TBC1D19: variants seen among roughly 807,000 people sequenced by gnomAD.
TBC1D19 encodes the protein TBC1 domain family, member 19.
Under a neutral mutation model 89.0 loss-of-function variants are expected in TBC1D19, and 60 were observed. The ratio of observed to expected loss-of-function variants is 0.67; its 90% CI spans 0.55 to 0.84. The LOEUF (loss-of-function observed/expected upper bound fraction) is 0.84, where lower values mean the gene tolerates loss of function less well. Ranked by LOEUF, TBC1D19 falls within the 40% of genes least tolerant of loss-of-function variation. The pLI, the probability that TBC1D19 is intolerant of heterozygous loss-of-function variation, is 0.00. For synonymous variants in TBC1D19, 189 were observed against 199.7 expected, an observed-to-expected ratio of 0.95 and a Z score of 0.45; for missense variants, 500 against 610.8, an observed-to-expected ratio of 0.82 and a Z score of 1.91.
chr4:26,723,983 G>A (rs1368712355), intron 15 of TBC1D19, among the ~76,000 whole-genome samples: 1 of 152,212 alleles, frequency 6.6e-6, no homozygotes, highest in Non-Finnish European at 1.5e-5. Flanking sequence ...AGCCATTTTA[G>A]ATCAAGTAGT....
chr4:26,845,190 T>A, the TBC1D19 span, among the ~76,000 whole-genome samples: 1 of 152,194 alleles, frequency 6.6e-6, no homozygotes, highest in Non-Finnish European at 1.5e-5. Flanking sequence ...TTAGTGGGAA[T>A]GTGCCATCAT....
the TBC1D19 span, among the ~76,000 whole-genome samples, chr4:26,805,059 C>G: frequency 6.6e-6 from 1 of 152,176 alleles, no homozygotes; most frequent in Non-Finnish European, 1.5e-5. Context: ...CTCCTCTTCC[C>G]ACGGATGCTG....
At chr4:26,736,377 C>T (rs1279135733) in intron 16 of TBC1D19, among the ~76,000 whole-genome samples, 1 of 143,012 alleles carries the variant, frequency 7.0e-6, no homozygotes, top group Non-Finnish European at 1.5e-5. Context: ...GGGAACATCA[C>T]ACTCTGGGGA....
intron 3 of TBC1D19, among the ~76,000 whole-genome samples, chr4:26,616,646 A>T (rs181453237): frequency 6.6e-6 from 1 of 152,228 alleles, no homozygotes; most frequent in Admixed American, 6.5e-5. Flanking sequence ...TATACAGACT[A>T]TACAGACTGA....
chr4:26,580,243 G>T (rs1266604847), upstream of TBC1D19, among the ~76,000 whole-genome samples: 1 of 152,160 alleles, frequency 6.6e-6, no homozygotes, highest in Non-Finnish European at 1.5e-5. Context: ...CCATTGTAAT[G>T]AGAGGTGGCA....
the TBC1D19 span, among the ~76,000 whole-genome samples, chr4:26,774,320 A>G: frequency 6.6e-6 from 1 of 152,260 alleles, no homozygotes; most frequent in Non-Finnish European, 1.5e-5. Flanking sequence ...CTGGCAGATC[A>G]GCACTCTCTT....
chr4:26,593,665 A>G (rs141215630), intron 1 of TBC1D19, among the ~76,000 whole-genome samples: 3,659 of 152,324 alleles, frequency 0.024, 130 homozygotes, highest in African/African-American at 0.082. Context: ...CAACCCCATC[A>G]ACAAGTGGGC....
At chr4:26,693,960 C>T (rs569242695) in intron 13 of TBC1D19, among the ~76,000 whole-genome samples, 1 of 152,190 alleles carries the variant, frequency 6.6e-6, no homozygotes, top group African/African-American at 2.4e-5. Context: ...GTCTACAGCT[C>T]CCAGAGTGAG....
At chr4:26,581,376 GC>G (rs1451149742), upstream of TBC1D19, among the ~76,000 whole-genome samples, 4 of 151,978 alleles carry the variant, frequency 2.6e-5, no homozygotes, top group Non-Finnish European at 5.9e-5. Flanking sequence ...CCCTTCCCTT[GC>G]CCCCCATCCC....
At chr4:26,594,799 G>T (rs918849969) in intron 1 of TBC1D19, among the ~76,000 whole-genome samples, 8 of 152,020 alleles carry the variant, frequency 5.3e-5, no homozygotes, top group African/African-American at 1.4e-4. Context: ...CAACCCCTCG[G>T]TCTCTCTGAT....
At chr4:26,586,658 C>T (rs1379526280) in intron 1 of TBC1D19, among the ~76,000 whole-genome samples, 4 of 152,076 alleles carry the variant, frequency 2.6e-5, no homozygotes. Flanking sequence ...TTTGTAGTTT[C>T]AGCACACAAA....
chr4:26,703,410 G>T (rs952043982), intron 13 of TBC1D19, among the ~76,000 whole-genome samples: 1 of 152,132 alleles, frequency 6.6e-6, no homozygotes, highest in African/African-American at 2.4e-5. Context: ...GTGTGTGCAT[G>T]TGTGTAATAA....
intron 1 of TBC1D19, chr4:26,585,238 G>A: frequency 2.3e-6 from 1 of 433,826 alleles, no homozygotes; most frequent in South Asian, 1.7e-5. Flanking sequence ...CAAAGTGGCT[G>A]TATCATTTTC....
intron 13 of TBC1D19, among the ~76,000 whole-genome samples, chr4:26,694,358 C>T (rs572462816): frequency 1.8e-4 from 27 of 152,234 alleles, no homozygotes; most frequent in African/African-American, 4.8e-5. Context: ...GAGGGGCGAC[C>T]GACATTGCTG....
the TBC1D19 span, among the ~76,000 whole-genome samples, chr4:26,808,483 A>G: frequency 2.5e-5 from 1 of 40,522 alleles, no homozygotes; most frequent in African/African-American, 2.6e-4. Flanking sequence ...CTGTAATCCC[A>G]GCACTTTGGA....
At chr4:26,799,516 C>G in the TBC1D19 span, among the ~76,000 whole-genome samples, 29 of 152,050 alleles carry the variant, frequency 1.9e-4, no homozygotes, top group Non-Finnish European at 3.4e-4. Context: ...TTTTAAGTGT[C>G]CCCCCAAAAT....
At chr4:26,852,769 G>A in the TBC1D19 span, among the ~76,000 whole-genome samples, 1 of 151,808 alleles carries the variant, frequency 6.6e-6, no homozygotes. Flanking sequence ...ACAGGCGCCT[G>A]CCACCATGCC....
At chr4:26,795,396 C>G in the TBC1D19 span, among the ~76,000 whole-genome samples, 1 of 152,198 alleles carries the variant, frequency 6.6e-6, no homozygotes, top group Non-Finnish European at 1.5e-5. Context: ...TATTGATCAC[C>G]ATTTAATGCA....
intron 3 of TBC1D19, among the ~76,000 whole-genome samples, chr4:26,617,889 A>G (rs1741796835): frequency 6.6e-6 from 1 of 152,244 alleles, no homozygotes; most frequent in South Asian, 2.1e-4. Context: ...ATATATGCAA[A>G]TGTCTACCAT....
Sources: allele counts gnomAD v4.1 joint callset (sites outside exome capture counted in the v4.1 genomes callset), GRCh38; gene constraint gnomAD v4.1.1; transcripts MANE v1.5; gene names NCBI Gene and HGNC (gene_info 2026-07-23, HGNC 2026-07-21).